FLVCR2: variants seen among roughly 807,000 people sequenced by gnomAD.
FLVCR2 encodes the protein FLVCR choline and putative heme transporter 2, also known as choline/ethanolamine transporter FLVCR2.
In FLVCR2, 38 loss-of-function variants were observed where a neutral mutation model predicts 48.9. The observed-to-expected ratio is 0.78, with a 90% CI of 0.60 to 1.02. The LOEUF (loss-of-function observed/expected upper bound fraction) is 1.02, where lower values mean the gene tolerates loss of function less well. FLVCR2 is among the 50% of genes least tolerant of loss of function. FLVCR2 has a pLI of 0.00. For synonymous variants in FLVCR2, 255 were observed against 257.0 expected, an observed-to-expected ratio of 0.99 and a Z score of 0.07; for missense variants, 664 against 663.3, an observed-to-expected ratio of 1.00 and a Z score of -0.01.
At chr14:75,605,451 C>A in intron 1 of FLVCR2, 1 of 1,487,676 alleles carries the variant, frequency 6.7e-7, no homozygotes. Context: ...GCTCTGGTGG[C>A]CCAGCCAGAC....
chr14:75,639,934 T>C (rs993890627), intron 6 of FLVCR2, among the ~76,000 whole-genome samples: 4 of 152,270 alleles, frequency 2.6e-5, no homozygotes, highest in South Asian at 2.1e-4. Context: ...ATAATAGATA[T>C]GAAAGCATCA....
chr14:75,603,379 G>T (rs1379554690), intron 1 of FLVCR2, among the ~76,000 whole-genome samples: 1 of 152,216 alleles, frequency 6.6e-6, no homozygotes, highest in African/African-American at 2.4e-5. Flanking sequence ...TTACTTTAGA[G>T]AGACGGCTGG....
intron 4 of FLVCR2, among the ~76,000 whole-genome samples, chr14:75,633,996 A>G (rs1890105506): frequency 6.6e-6 from 1 of 152,058 alleles, no homozygotes; most frequent in African/African-American, 2.4e-5. Context: ...TTAGGATCAG[A>G]GAGTAAATAA....
intron 1 of FLVCR2, among the ~76,000 whole-genome samples, chr14:75,586,797 C>G (rs1014591948): frequency 1.3e-5 from 2 of 151,894 alleles, no homozygotes; most frequent in Non-Finnish European, 2.9e-5. Flanking sequence ...TTCTTCCTTT[C>G]GACAAGCATT....
intron 3 of FLVCR2, chr14:75,632,812 T>C: frequency 1.4e-6 from 1 of 702,206 alleles, no homozygotes; most frequent in Non-Finnish European, 2.6e-6. Context: ...TGTGCATCTT[T>C]ATTATCTCTA....
Position 75,579,142 on chromosome 14 carries a change from C to A in FLVCR2, c.170C>A (p.Ala57Asp). 1 of 1,614,218 alleles carries A rather than the reference C, an allele frequency of 6.2e-7. No homozygotes were observed. Among genetic ancestry groups the A allele is most frequent in the South Asian group, 1.1e-5 (1 of 91,090 alleles). Residue 57 changes from alanine to aspartate, a missense_variant, in exon 1 of 10, where the codon GCC (alanine) becomes GAC (aspartate). Ala to Asp is a moderately radical substitution (Grantham distance 126, BLOSUM62 -2). Coordinates refer to ENST00000238667, the MANE Select transcript of FLVCR2 (RefSeq NM_017791.3). ...CCCAGCAGTTCGGCCCACCCCAGTG[C>A]CTTAGCCCAACCCAGTGGCTTGGCT... The part of the protein sequence containing the change: ...VHPSSSAHPS[A>D]LAQPSGLAHP...
intron 1 of FLVCR2, among the ~76,000 whole-genome samples, chr14:75,608,822 C>A (rs1889364802): frequency 6.6e-6 from 1 of 152,160 alleles, no homozygotes. Flanking sequence ...TCTCATGCTG[C>A]CCCACCAAAA....
chr14:75,608,808 G>A lies in FLVCR2; in HGVS notation c.670-13271G>A, dbSNP rs116267790. Among the ~76,000 whole-genome samples, 396 of 152,218 alleles carry A rather than the reference G, an allele frequency of 2.6e-3. 1 individual carries two copies. Among genetic ancestry groups the A allele is most frequent in the African/African-American group, 9.0e-3 (375 of 41,518 alleles). ...GTCTTCCCTGGGTATGGCTGCCCCC[G>A]TATTCTCATGCTGCCCCACCAAAAG... On this transcript the variant is annotated intron_variant, in intron 1 of 9. Transcript: ENST00000238667.
intron 1 of FLVCR2, among the ~76,000 whole-genome samples, chr14:75,619,708 A>G (rs911075712): frequency 2.6e-5 from 4 of 152,232 alleles, no homozygotes; most frequent in Non-Finnish European, 5.9e-5. Context: ...CCTCCTTGAG[A>G]AAGGTTACCA....
intron 8 of FLVCR2, among the ~76,000 whole-genome samples, 184 bp downstream of exon 8, chr14:75,641,477 C>G (rs1043633594): frequency 1.8e-4 from 28 of 152,174 alleles, no homozygotes; most frequent in Admixed American, 2.6e-4. Flanking sequence ...CCAGAAGACT[C>G]ATGTTGGAAT....
chr14:75,629,874 C>A (rs950547363), intron 3 of FLVCR2, among the ~76,000 whole-genome samples: 5 of 152,176 alleles, frequency 3.3e-5, no homozygotes, highest in African/African-American at 1.2e-4. Flanking sequence ...ACTTGTGTAT[C>A]CCAAGGTTCA....
In FLVCR2 at chr14:75,581,619, C is replaced by T. The variant is rs571577243; in HGVS notation, c.669+1978C>T. ...GAAGGGAAGAAATGACCGCAGTGGC[C>T]TTCTCAGACCCTGTGGGAAAGGCCT... On this transcript the variant is annotated intron_variant, in intron 1 of 9. Coordinates refer to ENST00000238667, the MANE Select transcript of FLVCR2 (RefSeq NM_017791.3). Among the ~76,000 whole-genome samples, 33 of 152,316 alleles carry T rather than the reference C, an allele frequency of 2.2e-4. No individual in the cohort carries two copies. The East Asian group carries it at 4.0e-3, about 19-fold the overall frequency.
Position 75,579,209 on chromosome 14 carries a change from G to C in FLVCR2, c.237G>C (p.Lys79Asn), listed in dbSNP as rs910691454. ...SSGPEDLSVI[K>N]VSRRRWAVVL... ...GCCCTGAGGACCTCAGCGTGATCAAGGTGAGCAGGCGCCGTTGGGCCGTGG... is the reference window on the plus strand; with the variant it reads ...GCCCTGAGGACCTCAGCGTGATCAACGTGAGCAGGCGCCGTTGGGCCGTGG... Residue 79 changes from lysine to asparagine, a missense_variant, in exon 1 of 10, where the codon AAG becomes AAC. By Grantham distance (94) the Lys-to-Asn change is moderately conservative (BLOSUM62 0). Transcript: ENST00000238667. 29 of 1,614,104 alleles carry C rather than the reference G, an allele frequency of 1.8e-5. No homozygotes were observed. Among genetic ancestry groups the C allele is most frequent in the Non-Finnish European group, 2.5e-5 (29 of 1,180,052 alleles).
chr14:75,581,264 A>G (rs2140000701), intron 1 of FLVCR2, among the ~76,000 whole-genome samples: 1 of 152,286 alleles, frequency 6.6e-6, no homozygotes, highest in Middle Eastern at 3.4e-3. Flanking sequence ...AAGGACTAAG[A>G]ATTGGGAGGA....
intron 3 of FLVCR2, 38 bp downstream of exon 3, chr14:75,624,790 G>A: frequency 6.2e-7 from 1 of 1,611,450 alleles, no homozygotes; most frequent in African/African-American, 1.3e-5. Flanking sequence ...ATTCGAGCTG[G>A]AAATGTTAGA....
At chr14:75,628,715 C>T (rs898461176) in intron 3 of FLVCR2, among the ~76,000 whole-genome samples, 6 of 152,176 alleles carry the variant, frequency 3.9e-5, no homozygotes, top group Non-Finnish European at 7.3e-5. Context: ...GGTGTCAGCT[C>T]TGCCAGATAC....
intron 1 of FLVCR2, among the ~76,000 whole-genome samples, chr14:75,589,986 A>G (rs1360011240): frequency 2.0e-5 from 3 of 152,216 alleles, no homozygotes; most frequent in Non-Finnish European, 4.4e-5. Flanking sequence ...TTGCCATAAT[A>G]ATGCCCGAGA....
intron 2 of FLVCR2, among the ~76,000 whole-genome samples, chr14:75,622,676 C>T (rs528213822): frequency 6.6e-6 from 1 of 151,792 alleles, no homozygotes; most frequent in Non-Finnish European, 1.5e-5. Flanking sequence ...TTAGATAGCT[C>T]GTAAGTGGCA....
At chr14:75,595,983 A>G in intron 1 of FLVCR2, 1 of 1,517,102 alleles carries the variant, frequency 6.6e-7, no homozygotes, top group Non-Finnish European at 9.1e-7. Context: ...GGGATCATAA[A>G]TCATGCCAAA....
Sources: allele counts gnomAD v4.1 joint callset (sites outside exome capture counted in the v4.1 genomes callset), GRCh38; gene constraint gnomAD v4.1.1; transcripts MANE v1.5; gene names NCBI Gene and HGNC (gene_info 2026-07-23, HGNC 2026-07-21).